Variants in DPRX observed in about 807,000 individuals in gnomAD.
DPRX encodes divergent paired-related homeobox.
A neutral mutation model predicts 8.4 loss-of-function variants in DPRX; 11 were observed. The ratio of observed to expected loss-of-function variants is 1.31; its 90% CI spans 0.82 to 2.17. DPRX has a LOEUF of 2.17. Ranked by LOEUF, DPRX falls within the 30% of genes most tolerant of loss-of-function variation. The pLI is 0.00. For missense variants in DPRX, 211 were observed against 236.7 expected, an observed-to-expected ratio of 0.89 and a Z score of 0.71; for synonymous variants, 72 against 87.0, an observed-to-expected ratio of 0.83 and a Z score of 0.96.
At chr19:53,635,942 T>C (rs2091110308) in intron 2 of DPRX, among the ~76,000 whole-genome samples, 1 of 152,144 alleles carries the variant, frequency 6.6e-6, no homozygotes, top group Non-Finnish European at 1.5e-5. Context: ...CCTGTCTCAA[T>C]TTCTGTCCCC....
At chr19:53,609,217 C>T in the DPRX span, among the ~76,000 whole-genome samples, 125 of 151,776 alleles carry the variant, frequency 8.2e-4, no homozygotes, top group African/African-American at 2.9e-3. Context: ...CCTGTAATCC[C>T]AGCACTTTGG....
the DPRX span, among the ~76,000 whole-genome samples, chr19:53,614,520 G>A: frequency 4.0e-5 from 6 of 151,850 alleles, no homozygotes; most frequent in African/African-American, 7.2e-5. Flanking sequence ...GCAACATAGC[G>A]AGACCCTCAT....
the DPRX span, among the ~76,000 whole-genome samples, chr19:53,612,312 G>A: frequency 1.3e-5 from 2 of 152,152 alleles, no homozygotes; most frequent in African/African-American, 4.8e-5. Flanking sequence ...GAACCCAGGA[G>A]GTTGAGGTTG....
At chr19:53,607,096 A>G in the DPRX span, 1 of 152,724 alleles carries the variant, frequency 6.5e-6, no homozygotes, top group Non-Finnish European at 1.5e-5. Flanking sequence ...TAAGGTGTGC[A>G]GCCGTCTTTC....
the DPRX span, among the ~76,000 whole-genome samples, chr19:53,611,196 C>T: frequency 6.6e-6 from 1 of 152,084 alleles, no homozygotes; most frequent in Non-Finnish European, 1.5e-5. Flanking sequence ...GCCACAGAGC[C>T]CAGCCACAAA....
At chr19:53,601,981 A>G in the DPRX span, 1 of 455,034 alleles carries the variant, frequency 2.2e-6, no homozygotes, top group Non-Finnish European at 4.4e-6. Flanking sequence ...TGGTGTGGGG[A>G]CATAAGGCCA....
At chr19:53,601,392 C>T in the DPRX span, 237 of 456,168 alleles carry the variant, frequency 5.2e-4, 1 homozygote, top group South Asian at 2.7e-3. Context: ...AAGCGTTAAC[C>T]GTGAGCACAC....
the DPRX span, chr19:53,604,287 G>A: frequency 6.5e-6 from 1 of 152,676 alleles, no homozygotes; most frequent in Non-Finnish European, 1.5e-5. Context: ...GATAAGCAGG[G>A]GCTGTTGTAC....
chr19:53,606,288 A>AAC, the DPRX span: 1 of 152,216 alleles, frequency 6.6e-6, no homozygotes, highest in Non-Finnish European at 1.5e-5. The surrounding 1 kb of genome is among the most constrained non-coding windows in gnomAD (Gnocchi z 4.8). Flanking sequence ...TGCAGGAGAA[A>AAC]ACGGGAACAC....
exon 1 of DPRX, chr19:53,632,088 C>T (rs185410586): frequency 3.8e-4 from 618 of 1,613,766 alleles, no homozygotes; most frequent in Non-Finnish European, 4.9e-4. Context: ...TGAACCCAGG[C>T]GCACATCTGG....
At chr19:53,601,284 A>T in the DPRX span, 2 of 455,866 alleles carry the variant, frequency 4.4e-6, no homozygotes, top group Non-Finnish European at 8.8e-6. Flanking sequence ...TCCAGACTCC[A>T]CATTGGGCCC....
chr19:53,627,590 C>T (rs963986167), upstream of DPRX, among the ~76,000 whole-genome samples: 4 of 151,430 alleles, frequency 2.6e-5, no homozygotes, highest in African/African-American at 7.2e-5. Context: ...GCGCCTACCA[C>T]CATGCCCAGC....
chr19:53,627,964 G>A (rs565732969), upstream of DPRX, among the ~76,000 whole-genome samples: 6 of 151,958 alleles, frequency 3.9e-5, no homozygotes, highest in African/African-American at 9.6e-5. Context: ...TCCGGGAGGC[G>A]GAGGTTGCAG....
In DPRX at chr19:53,634,959, CA is replaced by C. The variant is rs1428269668; in HGVS notation, c.183+275del. On this transcript the variant is annotated intron_variant, in intron 2 of 2. Transcript: ENST00000376650. ...TAACTATGCCACCACAGTGCGAAGG[CA>C]GCCACAGACAACGTAAACAAGAGGC... Among the ~76,000 whole-genome samples, 4 of 152,190 alleles carry C rather than the reference CA, an allele frequency of 2.6e-5. 1 individual carries two copies. The highest frequency in any genetic ancestry group is 9.6e-5 in the African/African-American group (4 of 41,452).
At chr19:53,633,809 A>C (rs1250281402) in intron 1 of DPRX, among the ~76,000 whole-genome samples, 2 of 150,220 alleles carry the variant, frequency 1.3e-5, no homozygotes, top group African/African-American at 4.9e-5. Flanking sequence ...TGCCCGGCCA[A>C]ATTTTTGTGT....
chr19:53,616,439 T>G, the DPRX span, among the ~76,000 whole-genome samples: 1 of 151,906 alleles, frequency 6.6e-6, no homozygotes, highest in Non-Finnish European at 1.5e-5. Flanking sequence ...GATGTTCAGC[T>G]GTCCCAGTGT....
chr19:53,606,152 G>A, the DPRX span: 2 of 152,328 alleles, frequency 1.3e-5, no homozygotes, highest in East Asian at 3.9e-4. The surrounding 1 kb of genome is among the most constrained non-coding windows in gnomAD (Gnocchi z 4.8). Flanking sequence ...TCCCAGCAAC[G>A]ACAGTGGCCA....
chr19:53,617,715 G>A, the DPRX span, among the ~76,000 whole-genome samples: 2 of 152,144 alleles, frequency 1.3e-5, no homozygotes. Context: ...ACCAGGAAGT[G>A]TATTGAAGCT....
rs75281683 is a variant in DPRX at position 53,634,983 on chromosome 19, G to A, written c.183+298G>A. On this transcript the variant is annotated intron_variant, in intron 2 of 2. Transcript: ENST00000376650. Reference sequence around the variant, plus strand: ...GCAGCCACAGACAACGTAAACAAGAGGCCCATCTGTGTTCCCAGAAACTCT... The same window carrying A: ...GCAGCCACAGACAACGTAAACAAGAAGCCCATCTGTGTTCCCAGAAACTCT... Among the ~76,000 whole-genome samples, 368 of 152,240 alleles carry A rather than the reference G, an allele frequency of 2.4e-3. 3 individuals carry two copies. Among genetic ancestry groups the A allele is most frequent in the African/African-American group, 8.5e-3 (354 of 41,550 alleles).
Sources: allele counts gnomAD v4.1 joint callset (sites outside exome capture counted in the v4.1 genomes callset), GRCh38; gene constraint gnomAD v4.1.1; non-coding constraint Gnocchi (gnomAD v3.1); transcripts MANE v1.5; gene names NCBI Gene and HGNC (gene_info 2026-07-23, HGNC 2026-07-21).